Variants in CFAP46 observed in about 807,000 individuals in gnomAD.
The protein encoded by CFAP46 is cilia and flagella associated protein 46.
Under a neutral mutation model 325.7 loss-of-function variants are expected in CFAP46, and 245 were observed. The observed-to-expected ratio is 0.75, with a 90% CI of 0.68 to 0.84. The LOEUF is 0.84. CFAP46 is among the 40% of genes least tolerant of loss of function. The pLI is 0.00. For missense variants in CFAP46, 3,346 were observed against 3,543.0 expected, an observed-to-expected ratio of 0.94 and a Z score of 1.41; for synonymous variants, 1,523 against 1,495.9, an observed-to-expected ratio of 1.02 and a Z score of -0.42.
At chr10:132,844,930 T>C (rs899181502) in intron 44 of CFAP46, among the ~76,000 whole-genome samples, 2 of 152,162 alleles carry the variant, frequency 1.3e-5, no homozygotes, top group African/African-American at 4.8e-5. Context: ...CATGGCTCAC[T>C]GCAGCCTCGA....
chr10:132,816,234 G>T (rs747358379), intron 50 of CFAP46, among the ~76,000 whole-genome samples: 1 of 151,282 alleles, frequency 6.6e-6, no homozygotes, highest in Non-Finnish European at 1.5e-5. Flanking sequence ...GTTCTCGGTT[G>T]CTCTTCTCTG....
At chr10:132,871,250 G>A (rs1591065115) in intron 32 of CFAP46, among the ~76,000 whole-genome samples, 2 of 152,332 alleles carry the variant, frequency 1.3e-5, no homozygotes, top group Non-Finnish European at 2.9e-5. Flanking sequence ...GAGTGCTCAC[G>A]GAGACATACA....
At chr10:132,880,471 C>T (rs978268090) in intron 28 of CFAP46, among the ~76,000 whole-genome samples, 4 of 152,314 alleles carry the variant, frequency 2.6e-5, no homozygotes, top group East Asian at 1.9e-4. Flanking sequence ...GCTGAGGTGC[C>T]CACAGGGTCT....
At chr10:132,839,496 G>A (rs1446646544) in intron 44 of CFAP46, among the ~76,000 whole-genome samples, 2 of 152,142 alleles carry the variant, frequency 1.3e-5, no homozygotes, top group African/African-American at 4.8e-5. Flanking sequence ...TCAGTCTCTT[G>A]GTTCTGTATT....
intron 19 of CFAP46, among the ~76,000 whole-genome samples, 199 bp from the exon 20 acceptor site, chr10:132,910,267 A>G (rs896987128): frequency 6.6e-6 from 1 of 152,216 alleles, no homozygotes; most frequent in Non-Finnish European, 1.5e-5. Context: ...CCGAGGACGC[A>G]GCTGCCACCT....
intron 24 of CFAP46, among the ~76,000 whole-genome samples, chr10:132,897,240 G>GA (rs1564793677): frequency 6.6e-6 from 1 of 152,112 alleles, no homozygotes; most frequent in African/African-American, 2.4e-5. Context: ...GGCAACAAAA[G>GA]AAAAAATAGA....
chr10:132,929,345 GGGTAACGAGGCACTGCC>G, intron 9 of CFAP46: 1 of 614,868 alleles, frequency 1.6e-6, no homozygotes, highest in Non-Finnish European at 3.0e-6. Context: ...AGTGAACTGC[GGGTAACGAGGCACTGCC>G]GGTGTGATTT....
At chr10:132,924,480 C>T (rs1313645140) in intron 11 of CFAP46, among the ~76,000 whole-genome samples, 2 of 152,196 alleles carry the variant, frequency 1.3e-5, no homozygotes, top group Non-Finnish European at 2.9e-5. Flanking sequence ...GAGGCAAGGC[C>T]GAGCCTGCTT....
chr10:132,934,779 T>A lies in CFAP46; in HGVS notation c.839A>T (p.Gln280Leu), dbSNP rs1023196715. 1 of 1,609,588 alleles carries A rather than the reference T, an allele frequency of 6.2e-7. No homozygotes were observed. The highest frequency in any genetic ancestry group is 1.7e-5 in the Admixed American group (1 of 59,950). Residue 280 changes from glutamine (Q) to leucine (L), a missense_variant, in exon 8 of 58, where the codon CAG (glutamine) becomes CTG (leucine). Coordinates refer to ENST00000368586, the MANE Select transcript of CFAP46 (RefSeq NM_001200049.3). ...AYRHLGHYNHQRFPSISEEKM... is the reference protein window; with the variant it reads ...AYRHLGHYNHLRFPSISEEKM... ...TTCTTCACTGATAGAGGGAAAGCGC[T>A]GGTGGTTGTAATGACCTAAGTGTCT...
chr10:132,922,447 C>A, intron 12 of CFAP46, 33 bp downstream of exon 12: 1 of 1,513,200 alleles, frequency 6.6e-7, no homozygotes. Context: ...GGGGCTGCAG[C>A]ACCCAGCCTC....
In CFAP46 at chr10:132,808,472, C is replaced by G. The variant is rs141559236; in HGVS notation, c.8097G>C (p.Leu2699=). The G allele has an allele frequency of 2.3e-4, 376 of 1,613,252 alleles. 1 individual carries two copies. The African/African-American group carries it at 4.6e-3, about 20-fold the overall frequency. The change falls in exon 58 of 58, where the codon CTG becomes CTC. Residue 2699 remains leucine, a synonymous_variant. Transcript: ENST00000368586. This position sits in a 1 kb window ranked among gnomAD's most constrained non-coding sequence, Gnocchi z 6.8. ...GAATAGTCTTCTGGTCTAAGCAACT[C>G]AGCACCAGCGCCGCCAAGGGGAGGC... ...KGGLPLAALV[L]SCLDQKTIQT...
chr10:132,819,410 A>G (rs1216542507), intron 50 of CFAP46, among the ~76,000 whole-genome samples: 2 of 152,254 alleles, frequency 1.3e-5, no homozygotes, highest in East Asian at 1.9e-4. Flanking sequence ...ATTTATGAGG[A>G]GCCACAAAAG....
In CFAP46 at chr10:132,903,435, C is replaced by T. The variant is rs939595838; in HGVS notation, c.2925-3769G>A. On this transcript the variant is annotated intron_variant, in intron 22 of 57. Transcript: ENST00000368586. ...TCAAGCCCTGACCCATTTCTCCCCG[C>T]GACTCTTCCATCCATCTGGGCCCAA... Among the ~76,000 whole-genome samples, 11 of 152,106 alleles carry T rather than the reference C, an allele frequency of 7.2e-5. No individual in the cohort carries two copies. The East Asian group carries it at 1.7e-3, about 24-fold the overall frequency.
At chr10:132,814,462 T>C in intron 53 of CFAP46, 115 bp downstream of exon 53, 2 of 1,315,980 alleles carry the variant, frequency 1.5e-6, no homozygotes, top group Non-Finnish European at 2.1e-6. Context: ...GGCAAGCACA[T>C]ATGCAGATTT....
At position 132,919,795 on chromosome 10, in the gene CFAP46, C is replaced by T. The variant is rs965584619; in HGVS notation, c.1730+264G>A. 3.9e-5 allele frequency among the ~76,000 whole-genome samples: 6 copies of T among 152,140 alleles called. No homozygotes were observed. The highest frequency in any genetic ancestry group is 5.9e-5 in the Non-Finnish European group (4 of 68,006). ...CAGCCTGCTCTGGTCACAGGCGCTG[C>T]GTGTCCTCCGAGTGACAGCAGTGAC... is the stretch of plus-strand genomic sequence containing the variant. On this transcript the variant is annotated intron_variant, in intron 14 of 57. Transcript: ENST00000368586. This position sits in a 1 kb window ranked among gnomAD's most constrained non-coding sequence, Gnocchi z 9.7.
intron 44 of CFAP46, among the ~76,000 whole-genome samples, chr10:132,837,946 C>CACGCACGTGTGCACGGACACAG (rs1564773019): frequency 5.3e-5 from 8 of 152,190 alleles, no homozygotes; most frequent in Non-Finnish European, 7.3e-5. Context: ...CGGACACAGA[C>CACGCACGTGTGCACGGACACAG]ACGCACGTGT....
intron 17 of CFAP46, among the ~76,000 whole-genome samples, chr10:132,915,241 A>G (rs1849618839): frequency 1.3e-5 from 2 of 152,248 alleles, no homozygotes. Context: ...CAGGCCCACC[A>G]GGAGTGCAGA....
Position 132,924,828 on chromosome 10 carries a change from C to T in CFAP46, c.1124G>A (p.Gly375Asp), listed in dbSNP as rs533021210. ...CACCACGTGGATGACCCGGGGGTCG[C>T]CCAGGCGCACGGCTCGCTGCAGCGC... ...DVALQRAVRL[G>D]DPRVIHVVCA... The change falls in exon 11 of 58, where the codon GGC becomes GAC. Residue 375 changes from glycine to aspartate, a missense_variant. Transcript: ENST00000368586. The T allele has an allele frequency of 1.7e-5, 24 of 1,452,936 alleles. No individual in the cohort carries two copies. The South Asian group carries it at 2.4e-4, about 14-fold the overall frequency. The allele number at this position is 1,452,936 out of a possible 1,614,324, so 90.0% of individuals were successfully genotyped here.
chr10:132,930,325 GACTCCCCAC>G (rs1343683980), intron 8 of CFAP46, among the ~76,000 whole-genome samples: 2 of 149,360 alleles, frequency 1.3e-5, no homozygotes, highest in Admixed American at 1.3e-4. Flanking sequence ...CAGAGCATGG[GACTCCCCAC>G]ACTCCCCACA....
Sources: allele counts gnomAD v4.1 joint callset (sites outside exome capture counted in the v4.1 genomes callset), GRCh38; gene constraint gnomAD v4.1.1; non-coding constraint Gnocchi (gnomAD v3.1); transcripts MANE v1.5; gene names NCBI Gene and HGNC (gene_info 2026-07-23, HGNC 2026-07-21).